Variants in TASP1 observed in about 807,000 individuals in gnomAD.
The protein encoded by TASP1 is threonine aspartase 1.
A neutral mutation model predicts 56.6 loss-of-function variants in TASP1; 16 were observed. That is an observed-to-expected ratio of 0.28 (90% CI 0.19 to 0.43). The LOEUF (loss-of-function observed/expected upper bound fraction) is 0.43, where lower values mean the gene tolerates loss of function less well. TASP1 is among the 20% of genes least tolerant of loss of function. TASP1 has a pLI of 1.00. For missense variants in TASP1, 393 were observed against 511.6 expected (o/e 0.77, Z 2.24); for synonymous variants, 179 against 184.2 (o/e 0.97, Z 0.23).
intron 11 of TASP1, among the ~76,000 whole-genome samples, chr20:13,459,958 T>C (rs1226067774): frequency 1.3e-5 from 2 of 152,156 alleles, no homozygotes; most frequent in Non-Finnish European, 2.9e-5. Flanking sequence ...AACATACACA[T>C]TTGTCTTCTA....
chr20:13,221,760 CCG>C, the TASP1 span: 2 of 1,427,924 alleles, frequency 1.4e-6, no homozygotes, highest in South Asian at 1.4e-5. Context: ...GGTCCTAAAG[CCG>C]CGCGTCTCAA....
chr20:13,337,495 G>C, the TASP1 span, among the ~76,000 whole-genome samples: 1 of 152,132 alleles, frequency 6.6e-6, no homozygotes, highest in Non-Finnish European at 1.5e-5. Flanking sequence ...CCTGACAACT[G>C]CCCTTTACAT....
chr20:13,124,431 T>C, the TASP1 span, among the ~76,000 whole-genome samples: 86 of 149,940 alleles, frequency 5.7e-4, 1 homozygote, highest in African/African-American at 1.9e-3. Flanking sequence ...AATAAAGAAT[T>C]TGAAATGAAA....
At chr20:13,380,358 C>T in the TASP1 span, among the ~76,000 whole-genome samples, 2 of 152,164 alleles carry the variant, frequency 1.3e-5, no homozygotes, top group South Asian at 2.1e-4. Flanking sequence ...CTGGAGTTTG[C>T]TGGAGGTCCA....
At chr20:13,617,696 A>G (rs562314124) in intron 4 of TASP1, among the ~76,000 whole-genome samples, 9 of 152,214 alleles carry the variant, frequency 5.9e-5, no homozygotes, top group Non-Finnish European at 1.2e-4. Context: ...AATAACAAAA[A>G]TGACCTTAAA....
chr20:13,388,648 A>G (rs2041181605), downstream of TASP1, among the ~76,000 whole-genome samples: 1 of 152,178 alleles, frequency 6.6e-6, no homozygotes, highest in Admixed American at 6.5e-5. Flanking sequence ...TTCCTGAAAA[A>G]TCTCTGCCAA....
At chr20:13,638,216 G>A (rs907452064) in intron 1 of TASP1, among the ~76,000 whole-genome samples, 1 of 151,996 alleles carries the variant, frequency 6.6e-6, no homozygotes, top group Non-Finnish European at 1.5e-5. Context: ...AAATTCCTTC[G>A]CTAATAAAGA....
chr20:13,628,636 GA>G (rs970637934), intron 2 of TASP1, among the ~76,000 whole-genome samples: 3 of 152,156 alleles, frequency 2.0e-5, no homozygotes, highest in Non-Finnish European at 4.4e-5. Context: ...AGTCTCACAA[GA>G]AGAAACATTT....
the TASP1 span, among the ~76,000 whole-genome samples, chr20:13,221,249 CCTCCTCCTCCTCCTTCTCCTT>C: frequency 1.4e-5 from 2 of 144,330 alleles, no homozygotes; most frequent in East Asian, 2.1e-4. Flanking sequence ...TCCTCCTCCT[CCTCCTCCTCCTCCTTCTCCTT>C]CTCCTCCTCC....
chr20:13,429,460 C>T (rs564921834), intron 12 of TASP1, among the ~76,000 whole-genome samples: 9 of 151,566 alleles, frequency 5.9e-5, no homozygotes, highest in African/African-American at 1.2e-4. Context: ...ACAATTATTA[C>T]GATTATTTGT....
At chr20:13,366,642 A>G in the TASP1 span, among the ~76,000 whole-genome samples, 1 of 152,160 alleles carries the variant, frequency 6.6e-6, no homozygotes, top group Non-Finnish European at 1.5e-5. Flanking sequence ...GCCCAGGGAA[A>G]GGTCAGCCAA....
chr20:13,194,583 G>A, the TASP1 span, among the ~76,000 whole-genome samples: 1 of 118,740 alleles, frequency 8.4e-6, no homozygotes. Flanking sequence ...GTGTGTGTGT[G>A]TGTATGTGTG....
the TASP1 span, among the ~76,000 whole-genome samples, chr20:13,131,074 T>C: frequency 2.0e-5 from 3 of 152,174 alleles, no homozygotes; most frequent in Non-Finnish European, 4.4e-5. Context: ...CGTTTTCTTA[T>C]CTAGACATAG....
chr20:13,317,993 G>T, the TASP1 span, among the ~76,000 whole-genome samples: 2 of 152,000 alleles, frequency 1.3e-5, no homozygotes, highest in South Asian at 4.2e-4. Context: ...GACACTGTCT[G>T]CATGAAAAAA....
intron 8 of TASP1, among the ~76,000 whole-genome samples, chr20:13,546,760 C>A (rs1361205271): frequency 6.6e-6 from 1 of 152,156 alleles, no homozygotes; most frequent in Non-Finnish European, 1.5e-5. Flanking sequence ...TTTGGAATGG[C>A]CAGTGGAGAT....
the TASP1 span, among the ~76,000 whole-genome samples, chr20:13,298,399 T>G: frequency 4.7e-4 from 72 of 152,304 alleles, no homozygotes; most frequent in African/African-American, 1.6e-3. Flanking sequence ...TACAGGCATA[T>G]GCCACCGTGC....
chr20:13,505,145 C>T (rs571649468), intron 10 of TASP1, among the ~76,000 whole-genome samples: 11 of 152,046 alleles, frequency 7.2e-5, no homozygotes, highest in African/African-American at 2.6e-4. Context: ...ACAAAGTAGA[C>T]TTCAAGTCAA....
At chr20:13,569,206 A>ATC (rs923355325) in intron 7 of TASP1, among the ~76,000 whole-genome samples, 4 of 150,096 alleles carry the variant, frequency 2.7e-5, no homozygotes, top group African/African-American at 7.4e-5. Flanking sequence ...CTCTCTCTCC[A>ATC]TCTCTCTCTC....
At chr20:13,628,232 T>C (rs1252041025) in intron 2 of TASP1, among the ~76,000 whole-genome samples, 1 of 152,196 alleles carries the variant, frequency 6.6e-6, no homozygotes, top group Non-Finnish European at 1.5e-5. Context: ...TCATAATAGT[T>C]ATAGAAAGTA....
Sources: gnomAD v4.1 joint callset for allele counts (sites outside exome capture counted in the v4.1 genomes callset) on GRCh38, gnomAD v4.1.1 for gene constraint, MANE v1.5 for transcripts, NCBI Gene and HGNC (gene_info 2026-07-23, HGNC 2026-07-21) for gene names.